Variants in CSMD1 observed in about 807,000 individuals in gnomAD.
CSMD1 encodes the protein CUB and Sushi multiple domains 1.
In CSMD1, 213 loss-of-function variants were observed where a neutral mutation model predicts 417.5. The ratio of observed to expected loss-of-function variants is 0.51; its 90% CI spans 0.46 to 0.57. The LOEUF is 0.57. Ranked by LOEUF, CSMD1 falls within the 20% of genes least tolerant of loss-of-function variation. The pLI is 0.00. For missense variants in CSMD1, 6,923 were observed against 4,529.7 expected (o/e 1.53, Z -15.17); for synonymous variants, 2,862 against 1,736.8 (o/e 1.65, Z -16.11).
At chr8:4,280,960 G>C (rs114545391) in intron 3 of CSMD1, among the ~76,000 whole-genome samples, 2 of 152,272 alleles carry the variant, frequency 1.3e-5, no homozygotes, top group South Asian at 2.1e-4. Context: ...AAACACACTT[G>C]AAAGTTTCCC....
chr8:3,177,103 A>G (rs1388564633), intron 37 of CSMD1, among the ~76,000 whole-genome samples: 1 of 151,914 alleles, frequency 6.6e-6, no homozygotes, highest in Non-Finnish European at 1.5e-5. Flanking sequence ...TAAAGGACAA[A>G]CTCCCCCAGA....
At chr8:4,120,978 A>G (rs1178738748) in intron 3 of CSMD1, among the ~76,000 whole-genome samples, 3 of 152,236 alleles carry the variant, frequency 2.0e-5, no homozygotes, top group East Asian at 1.9e-4. Context: ...TGGACAAACT[A>G]TACATGAAAC....
chr8:3,212,699 T>C (rs1285023764), intron 30 of CSMD1, among the ~76,000 whole-genome samples: 1 of 152,090 alleles, frequency 6.6e-6, no homozygotes, highest in Non-Finnish European at 1.5e-5. Context: ...TCCAGACAGC[T>C]ACACTTCTTT....
At chr8:3,940,825 CAACTT>C (rs1810828889) in intron 5 of CSMD1, among the ~76,000 whole-genome samples, 1 of 151,638 alleles carries the variant, frequency 6.6e-6, no homozygotes, top group African/African-American at 2.4e-5. Context: ...TTAAAAACCA[CAACTT>C]AACCCAAGAA....
At chr8:4,952,892 T>C (rs577592393) in intron 1 of CSMD1, among the ~76,000 whole-genome samples, 81 of 152,270 alleles carry the variant, frequency 5.3e-4, no homozygotes, top group African/African-American at 1.9e-3. Context: ...ACAAATGTTT[T>C]TGAATGAAAT....
intron 50 of CSMD1, among the ~76,000 whole-genome samples, chr8:3,046,812 A>T (rs949894729): frequency 6.6e-6 from 1 of 152,244 alleles, no homozygotes; most frequent in African/African-American, 2.4e-5. Flanking sequence ...TGATACCTCA[A>T]GTTATTTTCT....
chr8:4,309,027 T>G (rs1338923659), intron 3 of CSMD1, among the ~76,000 whole-genome samples: 2 of 152,292 alleles, frequency 1.3e-5, no homozygotes, highest in South Asian at 2.1e-4. Flanking sequence ...AGCAAATGAT[T>G]ATTGATGTCA....
intron 5 of CSMD1, among the ~76,000 whole-genome samples, chr8:3,928,824 C>T: frequency 7.2e-6 from 1 of 139,142 alleles, no homozygotes; most frequent in Admixed American, 7.1e-5. Flanking sequence ...GCGATTCCAC[C>T]TACCCCAGGT....
chr8:4,392,006 A>T (rs1002009926), intron 3 of CSMD1, among the ~76,000 whole-genome samples: 2 of 152,112 alleles, frequency 1.3e-5, no homozygotes, highest in African/African-American at 2.4e-5. Flanking sequence ...CATCAATCCT[A>T]AACTTGTGAG....
At position 3,205,216 on chromosome 8, in the gene CSMD1, C is replaced by T. The variant is rs146022751; in HGVS notation, c.4984+288G>A. Among the ~76,000 whole-genome samples, 469 of 152,274 alleles carry T rather than the reference C, an allele frequency of 3.1e-3. 4 individuals carry two copies. Among genetic ancestry groups the T allele is most frequent in the African/African-American group, 0.011 (448 of 41,566 alleles). On this transcript the variant is annotated intron_variant, in intron 31 of 69. Transcript: ENST00000635120. ...CTCCGTTGCTCATAAAAACAACCAA[C>T]TGAAAGAACTATGTTTGGGAAACCT...
chr8:3,803,789 T>A (rs144176791), intron 5 of CSMD1, among the ~76,000 whole-genome samples: 1 of 152,176 alleles, frequency 6.6e-6, no homozygotes, highest in Non-Finnish European at 1.5e-5. Flanking sequence ...TTGGAAAATA[T>A]CTTTCTGCCT....
At chr8:3,071,671 A>C (rs993227986) in intron 49 of CSMD1, among the ~76,000 whole-genome samples, 1 of 152,248 alleles carries the variant, frequency 6.6e-6, no homozygotes, top group African/African-American at 2.4e-5. Flanking sequence ...TGAATGCATA[A>C]GGCTTTTTGG....
At chr8:4,890,140 T>C (rs1321044255) in intron 1 of CSMD1, among the ~76,000 whole-genome samples, 1 of 152,102 alleles carries the variant, frequency 6.6e-6, no homozygotes, top group Non-Finnish European at 1.5e-5. Flanking sequence ...AAAAATCCCA[T>C]TTTCCCCTTA....
intron 7 of CSMD1, among the ~76,000 whole-genome samples, chr8:3,670,197 G>A (rs13258539): frequency 0.42 from 64,337 of 151,604 alleles, 13,866 homozygotes; most frequent in Admixed American, 0.55. Context: ...CTTAATCTGG[G>A]TGGGTACCCT....
chr8:4,906,440 G>C (rs994722504), intron 1 of CSMD1, among the ~76,000 whole-genome samples: 3 of 152,146 alleles, frequency 2.0e-5, no homozygotes, highest in African/African-American at 7.2e-5. Flanking sequence ...AAAGGACCAA[G>C]GACTGTGTTC....
At chr8:4,829,547 G>C (rs1405286141) in intron 1 of CSMD1, among the ~76,000 whole-genome samples, 9 of 152,028 alleles carry the variant, frequency 5.9e-5, no homozygotes, top group South Asian at 2.1e-4. Flanking sequence ...TTCAAGAGCA[G>C]TCTGGGCAAC....
intron 2 of CSMD1, among the ~76,000 whole-genome samples, chr8:4,588,834 T>C (rs1476115946): frequency 6.6e-6 from 1 of 151,028 alleles, no homozygotes; most frequent in Non-Finnish European, 1.5e-5. Flanking sequence ...TGCTTGATTC[T>C]GTTCACAGGC....
chr8:3,002,167 G>A (rs1233612238), intron 52 of CSMD1, among the ~76,000 whole-genome samples: 2 of 152,294 alleles, frequency 1.3e-5, no homozygotes, highest in East Asian at 3.9e-4. Flanking sequence ...TCCCACATAT[G>A]AGACTTGATA....
At chr8:3,506,317 T>C (rs1796825744) in intron 10 of CSMD1, among the ~76,000 whole-genome samples, 1 of 152,188 alleles carries the variant, frequency 6.6e-6, no homozygotes. Flanking sequence ...CCGCTATTTC[T>C]AGACATCCAA....
Sources: gnomAD v4.1 joint callset for allele counts (sites outside exome capture counted in the v4.1 genomes callset) on GRCh38, gnomAD v4.1.1 for gene constraint, MANE v1.5 for transcripts, NCBI Gene and HGNC (gene_info 2026-07-23, HGNC 2026-07-21) for gene names.